Variants in ZNF804B observed in about 807,000 individuals in gnomAD.
The protein encoded by ZNF804B is zinc finger 804B.
A neutral mutation model predicts 101.4 loss-of-function variants in ZNF804B; 80 were observed. The observed-to-expected ratio is 0.79, with a 90% CI of 0.66 to 0.95. The LOEUF is 0.95. ZNF804B is among the 40% of genes least tolerant of loss of function. The pLI, the probability that ZNF804B is intolerant of heterozygous loss-of-function variation, is 0.00. For synonymous variants in ZNF804B, 622 were observed against 558.8 expected (o/e 1.11, Z -1.59); for missense variants, 1,673 against 1,561.9 (o/e 1.07, Z -1.20).
intron 1 of ZNF804B, among the ~76,000 whole-genome samples, chr7:88,910,113 T>C (rs568002757): frequency 1.3e-5 from 2 of 151,990 alleles, no homozygotes; most frequent in Non-Finnish European, 2.9e-5. Context: ...AAAAAGTGAA[T>C]AGGTACATAC....
chr7:89,090,059 A>G (rs933782727), intron 1 of ZNF804B, among the ~76,000 whole-genome samples: 3 of 152,132 alleles, frequency 2.0e-5, no homozygotes, highest in African/African-American at 4.8e-5. Context: ...ACAATAGGAA[A>G]ATAAGCACAA....
At chr7:89,197,174 C>T (rs1788568247) in intron 1 of ZNF804B, among the ~76,000 whole-genome samples, 1 of 151,960 alleles carries the variant, frequency 6.6e-6, no homozygotes, top group African/African-American at 2.4e-5. Context: ...ATGTAACAAT[C>T]CTGCACATCC....
At chr7:89,041,500 C>T (rs1269043416) in intron 1 of ZNF804B, among the ~76,000 whole-genome samples, 7 of 152,162 alleles carry the variant, frequency 4.6e-5, no homozygotes, top group Non-Finnish European at 7.3e-5. Context: ...TGACCTGGCA[C>T]TGGAGTGTCC....
intron 1 of ZNF804B, among the ~76,000 whole-genome samples, chr7:89,075,842 A>G (rs1383369838): frequency 6.6e-6 from 1 of 152,236 alleles, no homozygotes; most frequent in African/African-American, 2.4e-5. Context: ...GCCCGAGACC[A>G]TGGGAACCCA....
rs1213581949 is a variant in ZNF804B, at chr7:89,331,669, AT to A, written c.381-1693del. Among the ~76,000 whole-genome samples, 3 of 151,670 alleles carry A rather than the reference AT, an allele frequency of 2.0e-5. No individual in the cohort carries two copies. The Admixed American group carries it at 2.0e-4, about 10-fold the overall frequency. On this transcript the variant is annotated intron_variant, in intron 3 of 3. Transcript: ENST00000333190. The stretch of plus-strand genomic sequence containing the variant: ...CTAAAATTAGTGTTTGCAAGTTAAA[AT>A]CCATATGGTCATAATTTGTAAACAG...
At chr7:88,829,158 C>G (rs1183999874) in intron 1 of ZNF804B, among the ~76,000 whole-genome samples, 3 of 152,094 alleles carry the variant, frequency 2.0e-5, no homozygotes, top group African/African-American at 7.2e-5. Flanking sequence ...CATCATAGCT[C>G]ACTGTAGCCT....
intron 1 of ZNF804B, among the ~76,000 whole-genome samples, chr7:89,102,582 AG>A (rs769535324): frequency 6.6e-6 from 1 of 152,000 alleles, no homozygotes; most frequent in Non-Finnish European, 1.5e-5. Flanking sequence ...TGTGCATATT[AG>A]TCCTTTGTCA....
intron 1 of ZNF804B, among the ~76,000 whole-genome samples, chr7:88,850,427 G>C (rs1791435657): frequency 6.6e-6 from 1 of 152,148 alleles, no homozygotes; most frequent in African/African-American, 2.4e-5. Flanking sequence ...TTATTCAGTA[G>C]AGTTCTGATC....
intron 1 of ZNF804B, among the ~76,000 whole-genome samples, chr7:88,968,696 G>A (rs73707706): frequency 0.026 from 4,006 of 151,572 alleles, 189 homozygotes; most frequent in African/African-American, 0.092. Context: ...AGACTTTTCA[G>A]ATAGGAAATG....
At chr7:88,906,941 ATAAT>A (rs1271764698) in intron 1 of ZNF804B, among the ~76,000 whole-genome samples, 1 of 152,014 alleles carries the variant, frequency 6.6e-6, no homozygotes. Flanking sequence ...TATATTTAGG[ATAAT>A]TAATTCTTCT....
At chr7:88,917,714 T>G (rs1792657098) in intron 1 of ZNF804B, among the ~76,000 whole-genome samples, 1 of 152,186 alleles carries the variant, frequency 6.6e-6, no homozygotes, top group Non-Finnish European at 1.5e-5. Context: ...AGCTAGGGAC[T>G]AAATTTTGAT....
chr7:88,899,628 C>T (rs1484412619), intron 1 of ZNF804B, among the ~76,000 whole-genome samples: 9 of 152,062 alleles, frequency 5.9e-5, no homozygotes, highest in Admixed American at 5.2e-4. Context: ...GGATTATTTG[C>T]TTTTTTGTTT....
At chr7:88,848,621 C>CT (rs35391874) in intron 1 of ZNF804B, among the ~76,000 whole-genome samples, 2,925 of 111,100 alleles carry the variant, frequency 0.026, 53 homozygotes, top group African/African-American at 0.05. Flanking sequence ...AATGCATTTT[C>CT]TTTTTTTTTT....
chr7:89,169,265 T>G (rs1791190403), intron 1 of ZNF804B, among the ~76,000 whole-genome samples: 1 of 152,078 alleles, frequency 6.6e-6, no homozygotes, highest in Admixed American at 6.6e-5. Context: ...CTTGCAAGAT[T>G]TAATAGAGTG....
intron 1 of ZNF804B, among the ~76,000 whole-genome samples, chr7:89,113,317 C>A (rs1316356777): frequency 1.3e-5 from 2 of 151,928 alleles, no homozygotes; most frequent in Non-Finnish European, 2.9e-5. Context: ...ATGCAATTTA[C>A]CCATGTAATA....
intron 1 of ZNF804B, among the ~76,000 whole-genome samples, chr7:89,025,177 T>A (rs925135463): frequency 6.6e-6 from 1 of 152,092 alleles, no homozygotes; most frequent in African/African-American, 2.4e-5. Flanking sequence ...TTAGCAGAAC[T>A]CAGAGTCAGA....
intron 2 of ZNF804B, among the ~76,000 whole-genome samples, chr7:89,304,021 T>C (rs922931277): frequency 3.6e-4 from 54 of 151,952 alleles, no homozygotes; most frequent in Middle Eastern, 3.2e-3. Context: ...TTCCGGACTA[T>C]AGGACCTTGA....
intron 1 of ZNF804B, among the ~76,000 whole-genome samples, chr7:88,903,495 G>A (rs571994807): frequency 5.9e-5 from 9 of 152,224 alleles, no homozygotes; most frequent in East Asian, 1.9e-4. Flanking sequence ...GTGTTGAATC[G>A]TAGTTCTGTT....
intron 1 of ZNF804B, among the ~76,000 whole-genome samples, chr7:89,092,618 G>C (rs920530065): frequency 2.6e-5 from 4 of 151,708 alleles, no homozygotes. Context: ...TCACCATATT[G>C]GCCAGGATGA....
Sources: gnomAD v4.1 joint callset for allele counts (sites outside exome capture counted in the v4.1 genomes callset) on GRCh38, gnomAD v4.1.1 for gene constraint, MANE v1.5 for transcripts, NCBI Gene and HGNC (gene_info 2026-07-23, HGNC 2026-07-21) for gene names.